USP35: variants seen among roughly 807,000 people sequenced by gnomAD.
USP35 encodes the protein ubiquitin carboxyl-terminal hydrolase 35.
In USP35, 69 loss-of-function variants were observed where a neutral mutation model predicts 83.8. That is an observed-to-expected ratio of 0.82 (90% CI 0.68 to 1.01). The LOEUF (loss-of-function observed/expected upper bound fraction) is 1.01, where lower values mean the gene tolerates loss of function less well. Ranked by LOEUF, USP35 falls within the 50% of genes least tolerant of loss-of-function variation. The pLI, the probability that USP35 is intolerant of heterozygous loss-of-function variation, is 0.00. For synonymous variants in USP35, 714 were observed against 589.5 expected (o/e 1.21, Z -3.06); for missense variants, 1,503 against 1,362.5 (o/e 1.10, Z -1.62).
the USP35 span, chr11:78,226,678 G>A: frequency 1.2e-6 from 2 of 1,614,078 alleles, no homozygotes; most frequent in Non-Finnish European, 1.7e-6. Flanking sequence ...TTTTTGTCCA[G>A]AGTGAATGTC....
chr11:78,211,294 T>A (rs1863763774), intron 10 of USP35, among the ~76,000 whole-genome samples: 1 of 152,236 alleles, frequency 6.6e-6, no homozygotes, highest in African/African-American at 2.4e-5. Context: ...CGTTCCTTTT[T>A]ATGGATGCAT....
At chr11:78,190,185 G>A (rs1458548793) in intron 1 of USP35, among the ~76,000 whole-genome samples, 1 of 152,206 alleles carries the variant, frequency 6.6e-6, no homozygotes, top group Middle Eastern at 3.2e-3. Flanking sequence ...CTTCTTCTCA[G>A]GTCCTAGGAG....
At chr11:78,210,798 C>T in intron 10 of USP35, 54 bp downstream of exon 10, 1 of 1,477,896 alleles carries the variant, frequency 6.8e-7, no homozygotes, top group Non-Finnish European at 9.0e-7. Context: ...GGAGTCCAGT[C>T]CCACTACTGG....
At position 78,213,675 on chromosome 11, in the gene USP35, G is replaced by T. The variant is rs77997049; in HGVS notation, c.2919G>T (p.Ala973=). 9 of 1,506,860 alleles carry T rather than the reference G, an allele frequency of 6.0e-6. No homozygotes were observed. In the South Asian group the frequency reaches 8.0e-5, roughly 13 times the overall value. 93.3% of individuals were successfully genotyped at this position (1,506,860 alleles called of 1,614,324 possible). A position where few individuals can be genotyped will look rare whatever the true frequency, so the allele number is the denominator to read the frequency against. The change falls in exon 11 of 11, where the codon GCG becomes GCT. Residue 973 remains alanine, a synonymous_variant. Transcript: ENST00000529308. ...QEQEKEARSR[A]AYISALPTSP... The stretch of plus-strand genomic sequence containing the variant: ...AGGAGAAGGAGGCCCGGAGCAGGGC[G>T]GCCTACATCTCTGCACTCCCCACAT...
At position 78,189,015 on chromosome 11, in the gene USP35, C is replaced by G. The variant is rs1862915579; in HGVS notation, c.-153C>G. The G allele has an allele frequency of 9.6e-6, 9 of 938,936 alleles. No homozygotes were observed. The South Asian group carries it at 3.9e-4, about 41-fold the overall frequency. The allele number at this position is 938,936 out of a possible 1,614,324, so 58.2% of individuals were successfully genotyped here. On this transcript the variant is annotated 5_prime_UTR_variant, in exon 1 of 11. In the 5' UTR this introduces an upstream ATG that the reference lacks. Coordinates refer to ENST00000529308, the MANE Select transcript of USP35 (RefSeq NM_020798.4). ...CTGGATTTTGCAGTGGAAGCAGCAT[C>G]TCTTCCGTCTGGGACCTGGCTGAGG...
intron 3 of USP35, chr11:78,199,382 T>G: frequency 1.6e-6 from 1 of 627,548 alleles, no homozygotes; most frequent in Non-Finnish European, 2.7e-6. Flanking sequence ...GCTCCCTTCT[T>G]GGTGGGCTGG....
the USP35 span, chr11:78,221,995 T>C: frequency 5.1e-6 from 4 of 777,730 alleles, no homozygotes; most frequent in Non-Finnish European, 4.6e-6. Context: ...CAGCTAATGA[T>C]AGCGTTAGCA....
At chr11:78,224,305 C>T in the USP35 span, among the ~76,000 whole-genome samples, 5 of 152,280 alleles carry the variant, frequency 3.3e-5, no homozygotes, top group East Asian at 7.7e-4. Context: ...AGGACCTGCC[C>T]TCCACCTCAA....
rs2134427405 is a variant in USP35 at position 78,213,963 on chromosome 11, CAGATATGG to C, written c.*152_*159del. On this transcript the variant is annotated 3_prime_UTR_variant, in exon 11 of 11. Coordinates refer to ENST00000529308, the MANE Select transcript of USP35 (RefSeq NM_020798.4). The stretch of plus-strand genomic sequence containing the variant: ...GATGAAGGGTACACAGAGATTCTCT[CAGATATGG>C]AAGTAAGACCTAAGTCCCTTTCATT... 2 of 849,488 alleles carry C rather than the reference CAGATATGG, an allele frequency of 2.4e-6. No individual in the cohort carries two copies. Among genetic ancestry groups the C allele is most frequent in the East Asian group, 3.3e-5 (1 of 30,100 alleles). 52.6% of individuals were successfully genotyped at this position (849,488 alleles called of 1,614,324 possible).
the USP35 span, chr11:78,221,805 C>T: frequency 6.7e-7 from 1 of 1,503,424 alleles, no homozygotes; most frequent in South Asian, 1.1e-5. Context: ...AGAGTTAACA[C>T]TGGGGAAGCT....
chr11:78,230,110 G>C, the USP35 span, among the ~76,000 whole-genome samples: 1 of 152,342 alleles, frequency 6.6e-6, no homozygotes, highest in Admixed American at 6.5e-5. Flanking sequence ...GTTAATGCTT[G>C]TTGCATTATA....
At chr11:78,213,582 T>TAG in intron 10 of USP35, 64 bp from the exon 11 acceptor site, 2 of 1,429,722 alleles carry the variant, frequency 1.4e-6, no homozygotes, top group Non-Finnish European at 1.8e-6. Flanking sequence ...TTGTGCTGGG[T>TAG]AGACTCACTC....
rs896131652 is a variant in USP35, at chr11:78,208,884, C to T, written c.1513C>T (p.Leu505Phe). 3 of 1,614,232 alleles carry T rather than the reference C, an allele frequency of 1.9e-6. No homozygotes were observed. The highest frequency in any genetic ancestry group is 1.7e-6 in the Non-Finnish European group (2 of 1,180,046). The change falls in exon 9 of 11, where the codon CTC becomes TTC. Residue 505 changes from leucine to phenylalanine, a missense_variant. Leu to Phe is a conservative substitution (Grantham distance 22). Transcript: ENST00000529308. ...GCCTGCCATTTCCCCAGAGAACTTC[C>T]TCTCCGCATCCTGGACGCCCTGGTT... The part of the protein sequence containing the change: ...QRPAISPENF[L>F]SASWTPWFSP...
At position 78,213,643 on chromosome 11, in the gene USP35, C is replaced by T. The variant is rs764635854; in HGVS notation, c.2890-3C>T. ...CTAAGTCTCCTCTCATCTGTGTTCC[C>T]AGGAGCAGGAGAAGGAGGCCCGGAG... is the stretch of plus-strand genomic sequence containing the variant. On this transcript the variant is annotated splice_polypyrimidine_tract_variant and splice_region_variant and intron_variant, in intron 10 of 10. Transcript: ENST00000529308. 1.3e-5 allele frequency: 19 copies of T among 1,481,916 alleles called. No individual in the cohort carries two copies. Among genetic ancestry groups the T allele is most frequent in the Non-Finnish European group, 1.7e-5 (19 of 1,121,872 alleles). The allele number at this position is 1,481,916 out of a possible 1,614,324, so 91.8% of individuals were successfully genotyped here. A position where few individuals can be genotyped will look rare whatever the true frequency, so the allele number is the denominator to read the frequency against.
At chr11:78,201,573 C>G (rs1301242257) in intron 6 of USP35, among the ~76,000 whole-genome samples, 1 of 152,166 alleles carries the variant, frequency 6.6e-6, no homozygotes, top group Non-Finnish European at 1.5e-5. Flanking sequence ...GATGAGGCCT[C>G]TAAGAAGAAA....
the USP35 span, among the ~76,000 whole-genome samples, chr11:78,230,618 T>C: frequency 4.4e-4 from 67 of 152,338 alleles, no homozygotes; most frequent in African/African-American, 1.5e-3. Context: ...GAGGGCCATA[T>C]CCTGTACCCT....
chr11:78,213,494 C>T (rs1863887995), intron 10 of USP35, 152 bp from the exon 11 acceptor site: 2 of 888,502 alleles, frequency 2.3e-6, no homozygotes, highest in Non-Finnish European at 3.1e-6. Flanking sequence ...AAGGTGTCCA[C>T]CCCGGATATC....
chr11:78,215,774 C>A (rs1454697422), downstream of USP35: 2 of 152,530 alleles, frequency 1.3e-5, no homozygotes, highest in Non-Finnish European at 2.9e-5. Flanking sequence ...AGACGACCCC[C>A]CACGGAAGGG....
the USP35 span, among the ~76,000 whole-genome samples, chr11:78,234,456 T>C: frequency 6.6e-6 from 1 of 152,062 alleles, no homozygotes; most frequent in African/African-American, 2.4e-5. Flanking sequence ...TGGTGTGATA[T>C]GAAGGGTTGC....
Sources: allele counts gnomAD v4.1 joint callset (sites outside exome capture counted in the v4.1 genomes callset), GRCh38; gene constraint gnomAD v4.1.1; transcripts MANE v1.5; gene names NCBI Gene and HGNC (gene_info 2026-07-23, HGNC 2026-07-21).